Variants in MAS1 observed in about 807,000 individuals in gnomAD.
MAS1 encodes MAS1 proto-oncogene, G protein-coupled receptor.
For synonymous variants in MAS1, 163 were observed against 164.2 expected (o/e 0.99, Z 0.05); for missense variants, 387 against 409.7 (o/e 0.94, Z 0.48).
intron 1 of MAS1, among the ~76,000 whole-genome samples, chr6:159,896,726 C>T (rs1371017817): frequency 6.6e-6 from 1 of 152,184 alleles, no homozygotes; most frequent in Admixed American, 6.5e-5. Context: ...GCCTGCTGCC[C>T]AGACAGAGCC....
At position 159,908,810 on chromosome 6, in the gene MAS1, A is replaced by G. The variant is rs1355725561; in HGVS notation, c.*877A>G. 6.6e-6 allele frequency: 1 copy of G among 151,922 alleles called. No homozygotes were observed. Among genetic ancestry groups the G allele is most frequent in the Non-Finnish European group, 1.5e-5 (1 of 67,998 alleles). The allele number at this position is 151,922 out of a possible 1,614,324, so 9.4% of individuals were successfully genotyped here. A position where few individuals can be genotyped will look rare whatever the true frequency, so the allele number is the denominator to read the frequency against. Reference sequence around the variant, plus strand: ...GATGAAATGAAAGTCTGTGTTTTGAAATCCTTTGATTGCATAAACATTTTT... The same window carrying G: ...GATGAAATGAAAGTCTGTGTTTTGAGATCCTTTGATTGCATAAACATTTTT... On this transcript the variant is annotated 3_prime_UTR_variant, in exon 3 of 3. Transcript: ENST00000674077.
At position 159,913,356 on chromosome 6, in the gene MAS1, C is replaced by T. The variant is rs1782986068; in HGVS notation, c.*5423C>T. On this transcript the variant is annotated 3_prime_UTR_variant, in exon 3 of 3. Transcript: ENST00000674077. ...CCAGCCTGGGTGATAGAGTGAGACT[C>T]CGTCTCAAAAAAAAGAAAAATTATG... 1 of 152,122 alleles carries T rather than the reference C, an allele frequency of 6.6e-6. No homozygotes were observed. Among genetic ancestry groups the T allele is most frequent in the South Asian group, 2.1e-4 (1 of 4,828 alleles). 9.4% of individuals were successfully genotyped at this position (152,122 alleles called of 1,614,324 possible).
rs1317996920 is a variant in MAS1, at chr6:159,907,798, C to G, written c.843C>G (p.Phe281Leu). The G allele has an allele frequency of 1.2e-6, 2 of 1,613,278 alleles. No homozygotes were observed. Residue 281 changes from phenylalanine (F) to leucine (L), a missense_variant, in exon 3 of 3, where the codon TTC (phenylalanine) becomes TTG (leucine). Physicochemically the swap from Phe to Leu is conservative, Grantham distance 22. Transcript: ENST00000674077. The part of the protein sequence containing the change: ...INSSANPFIY[F>L]FVGSSKKKRF... ...GTAGCGCCAACCCTTTCATTTACTT[C>G]TTTGTGGGAAGCAGTAAGAAGAAGA...
intron 1 of MAS1, among the ~76,000 whole-genome samples, chr6:159,891,889 A>G (rs1782702680): frequency 6.6e-6 from 1 of 152,148 alleles, no homozygotes; most frequent in Non-Finnish European, 1.5e-5. Flanking sequence ...CCTCGGCACT[A>G]CTGGCATTTT....
At chr6:159,906,610 C>T (rs542157416) in intron 2 of MAS1, 157 of 211,674 alleles carry the variant, frequency 7.4e-4, no homozygotes, top group Non-Finnish European at 1.2e-3. Context: ...ACAGGGCACT[C>T]GGCCACTCTT....
rs1782693769 is a variant in MAS1, at chr6:159,891,026, G to C, written c.-351G>C. On this transcript the variant is annotated 5_prime_UTR_variant, in exon 1 of 3. Coordinates refer to ENST00000674077, the MANE Select transcript of MAS1 (RefSeq NM_002377.4). ...ATGAGAGGCTGCAGCCATCCTTCGAGATGTTGGGACCGGAGACCCTGCAGG... is the reference window on the plus strand; with the variant it reads ...ATGAGAGGCTGCAGCCATCCTTCGACATGTTGGGACCGGAGACCCTGCAGG... 6.6e-6 allele frequency among the ~76,000 whole-genome samples: 1 copy of C among 152,202 alleles called. No homozygotes were observed. The highest frequency in any genetic ancestry group is 2.1e-4 in the South Asian group (1 of 4,830).
Position 159,907,374 on chromosome 6 carries a change from A to G in MAS1, c.419A>G (p.Tyr140Cys). 6.2e-7 allele frequency: 1 copy of G among 1,614,126 alleles called. No homozygotes were observed. ...CTGTCAGTCCTTTACCCCATCTGGT[A>G]CCGATGCCATCGCCCCAAGTACCAG... ...RCLSVLYPIW[Y>C]RCHRPKYQSA... The change falls in exon 3 of 3, where the codon TAC becomes TGC. Residue 140 changes from tyrosine (Y) to cysteine (C), a missense_variant. Transcript: ENST00000674077.
Position 159,905,161 on chromosome 6 carries a change from C to A in MAS1, c.-36-1759C>A. 1.3e-5 allele frequency among the ~76,000 whole-genome samples: 2 copies of A among 152,240 alleles called. 1 individual carries two copies. ...CTCCCTACTGGGATACAGACTCCAC[C>A]AGGCCGGCACTTTGTTTTATTTACT... On this transcript the variant is annotated intron_variant, in intron 2 of 2. Coordinates refer to ENST00000674077, the MANE Select transcript of MAS1 (RefSeq NM_002377.4).
rs1350735042 is a variant in MAS1 at position 159,906,964 on chromosome 6, G to A, written c.9G>A (p.Gly3=). MD[G]SNVTSFVVEE... ...CAACCTGAGGCCTCCTCATGGATGG[G>A]TCAAACGTGACATCATTTGTTGTTG... The change falls in exon 3 of 3, where the codon GGG becomes GGA. Residue 3 remains glycine, a synonymous_variant. Coordinates refer to ENST00000674077, the MANE Select transcript of MAS1 (RefSeq NM_002377.4). The A allele has an allele frequency of 6.2e-7, 1 of 1,604,042 alleles. No homozygotes were observed.
At chr6:159,903,882 A>C (rs1460077592) in intron 2 of MAS1, among the ~76,000 whole-genome samples, 1 of 152,070 alleles carries the variant, frequency 6.6e-6, no homozygotes, top group South Asian at 2.1e-4. Context: ...TTCTCCTCCC[A>C]TTCTGTCTAA....
rs2115125412 is a variant in MAS1, at chr6:159,913,708, A to T, written c.*5775A>T. The T allele has an allele frequency of 6.6e-6, 1 of 152,348 alleles. No homozygotes were observed. The highest frequency in any genetic ancestry group is 1.5e-5 in the Non-Finnish European group (1 of 68,034). The allele number at this position is 152,348 out of a possible 1,614,324, so 9.4% of individuals were successfully genotyped here. Reference sequence around the variant, plus strand: ...GACTTAGCTTTTCCTAAAGGCCAAAAATCAGCTATTGGGGTCTCATTTGCT... The same window carrying T: ...GACTTAGCTTTTCCTAAAGGCCAAATATCAGCTATTGGGGTCTCATTTGCT... On this transcript the variant is annotated 3_prime_UTR_variant, in exon 3 of 3. Transcript: ENST00000674077.
Position 159,907,851 on chromosome 6 carries a change from T to C in MAS1, c.896T>C (p.Leu299Pro). Reference protein sequence around the residue: ...KRFKESLKVVLTRAFKDEMQP... With the variant: ...KRFKESLKVVPTRAFKDEMQP... ...TTCAAGGAGTCCTTAAAAGTTGTTCTGACCAGGGCTTTCAAAGATGAAATG... is the reference window on the plus strand; with the variant it reads ...TTCAAGGAGTCCTTAAAAGTTGTTCCGACCAGGGCTTTCAAAGATGAAATG... The change falls in exon 3 of 3, where the codon CTG (leucine) becomes CCG (proline). Residue 299 changes from leucine (L) to proline (P), a missense_variant. Transcript: ENST00000674077. 2 of 1,612,252 alleles carry C rather than the reference T, an allele frequency of 1.2e-6. No homozygotes were observed. Among genetic ancestry groups the C allele is most frequent in the Non-Finnish European group, 8.5e-7 (1 of 1,179,736 alleles).
chr6:159,897,915 T>C (rs540121265), intron 1 of MAS1, among the ~76,000 whole-genome samples: 6 of 152,018 alleles, frequency 3.9e-5, no homozygotes, highest in African/African-American at 1.4e-4. Context: ...TTTTTTGAGA[T>C]GGAGTCTCAC....
rs11968301 is a variant in MAS1, at chr6:159,907,637, A to G, written c.682A>G (p.Ile228Val). The G allele has an allele frequency of 1.3e-4, 205 of 1,613,908 alleles. No homozygotes were observed. In the African/African-American group the frequency reaches 2.4e-3, roughly 19 times the overall value. The change falls in exon 3 of 3, where the codon ATA (isoleucine) becomes GTA (valine). Residue 228 changes from isoleucine (I) to valine (V), a missense_variant. By Grantham distance (29) the Ile-to-Val change is conservative. Transcript: ENST00000674077. ...TWASHSSKLY[I>V]VIMVTIIIFL... ...GGCTTCCCATTCCTCCAAGCTTTACATAGTCATCATGGTCACCATCATTAT... is the reference window on the plus strand; with the variant it reads ...GGCTTCCCATTCCTCCAAGCTTTACGTAGTCATCATGGTCACCATCATTAT...
chr6:159,901,907 G>A lies in MAS1; in HGVS notation c.-37+2515G>A, dbSNP rs371648760. ...GATGCAATTTGAAACACCTTTCTCAGATGAATTTTGTGAATTTATTTGGAA... is the reference window on the plus strand; with the variant it reads ...GATGCAATTTGAAACACCTTTCTCAAATGAATTTTGTGAATTTATTTGGAA... On this transcript the variant is annotated intron_variant, in intron 2 of 2. Transcript: ENST00000674077. Among the ~76,000 whole-genome samples, 156 of 151,996 alleles carry A rather than the reference G, an allele frequency of 1.0e-3. 1 individual carries two copies. Among genetic ancestry groups the A allele is most frequent in the African/African-American group, 3.7e-3 (152 of 41,442 alleles).
intron 2 of MAS1, among the ~76,000 whole-genome samples, chr6:159,900,106 C>G (rs966896059): frequency 1.3e-5 from 2 of 152,042 alleles, no homozygotes; most frequent in Admixed American, 1.3e-4. Context: ...AGCCTCTGGT[C>G]CTAGAATTGA....
intron 2 of MAS1, among the ~76,000 whole-genome samples, chr6:159,899,702 G>A (rs1314733741): frequency 1.3e-5 from 2 of 152,154 alleles, no homozygotes; most frequent in African/African-American, 4.8e-5. Context: ...CTGCACCACT[G>A]CACTCCAGTT....
At chr6:159,904,816 G>C (rs1015745716) in intron 2 of MAS1, among the ~76,000 whole-genome samples, 1 of 152,184 alleles carries the variant, frequency 6.6e-6, no homozygotes, top group Non-Finnish European at 1.5e-5. Flanking sequence ...TCTCCTTGCC[G>C]GGCCGTTCCT....
chr6:159,906,361 T>G (rs1226183189), intron 2 of MAS1, among the ~76,000 whole-genome samples: 5 of 152,220 alleles, frequency 3.3e-5, no homozygotes, highest in Non-Finnish European at 7.3e-5. Flanking sequence ...TTGTTCACAC[T>G]TTAAGCAATA....
Sources: gnomAD v4.1 joint callset for allele counts (sites outside exome capture counted in the v4.1 genomes callset) on GRCh38, gnomAD v4.1.1 for gene constraint, MANE v1.5 for transcripts, NCBI Gene and HGNC (gene_info 2026-07-23, HGNC 2026-07-21) for gene names.